ENOX1: variants seen among roughly 807,000 people sequenced by gnomAD.
The protein encoded by ENOX1 is candidate growth-related and time keeping constitutive hydroquinone (NADH) oxidase.
ENOX1 carries 42 observed loss-of-function variants against 82.5 expected under a neutral mutation model. The ratio of observed to expected loss-of-function variants is 0.51; its 90% CI spans 0.40 to 0.66. The LOEUF (loss-of-function observed/expected upper bound fraction) is 0.66, where lower values mean the gene tolerates loss of function less well. Among genes scored for constraint, ENOX1 ranks in the 30% least tolerant of loss-of-function variants. ENOX1 has a pLI of 0.00. For missense variants in ENOX1, 608 were observed against 811.6 expected (o/e 0.75, Z 3.05); for synonymous variants, 271 against 282.2 (o/e 0.96, Z 0.40).
chr13:43,640,966 A>G (rs2083621365), intron 2 of ENOX1, among the ~76,000 whole-genome samples: 1 of 152,064 alleles, frequency 6.6e-6, no homozygotes, highest in Non-Finnish European at 1.5e-5. Context: ...AACCTTAAGT[A>G]AAACATAGAA....
At chr13:43,716,556 A>G (rs299335) in intron 1 of ENOX1, among the ~76,000 whole-genome samples, 48,129 of 152,072 alleles carry the variant, frequency 0.32, 8,093 homozygotes, top group East Asian at 0.48. Flanking sequence ...AGAAAGATTT[A>G]ATAAAAGGTA....
chr13:43,424,687 G>C (rs527547626), intron 3 of ENOX1, among the ~76,000 whole-genome samples: 5 of 152,344 alleles, frequency 3.3e-5, no homozygotes, highest in Non-Finnish European at 5.9e-5. Context: ...CCCTGGGTGA[G>C]AGACTTTGCT....
chr13:43,569,666 T>TAA (rs34098825), intron 2 of ENOX1, among the ~76,000 whole-genome samples: 11,325 of 150,258 alleles, frequency 0.075, 503 homozygotes, highest in East Asian at 0.18. Context: ...CTTAGTGGTT[T>TAA]AAAAAAAAAA....
At chr13:43,554,752 T>C (rs1223631312) in intron 2 of ENOX1, among the ~76,000 whole-genome samples, 2 of 152,078 alleles carry the variant, frequency 1.3e-5, no homozygotes, top group South Asian at 2.1e-4. Context: ...AATTTTTGTA[T>C]TGTTTGTAGA....
chr13:43,733,871 G>C (rs1285887422), intron 1 of ENOX1, among the ~76,000 whole-genome samples: 3 of 152,180 alleles, frequency 2.0e-5, no homozygotes, highest in Admixed American at 6.5e-5. Flanking sequence ...ACCTATAAGA[G>C]AGAACAGAGC....
chr13:43,336,415 G>A (rs1374760602), intron 9 of ENOX1, among the ~76,000 whole-genome samples: 1 of 152,220 alleles, frequency 6.6e-6, no homozygotes, highest in Non-Finnish European at 1.5e-5. Flanking sequence ...TTTTACCCAA[G>A]AAGATAGATG....
At chr13:43,555,274 C>A (rs897157037) in intron 2 of ENOX1, among the ~76,000 whole-genome samples, 1 of 152,302 alleles carries the variant, frequency 6.6e-6, no homozygotes, top group South Asian at 2.1e-4. Flanking sequence ...TAGCATCAGC[C>A]GTATATGTGT....
chr13:43,404,905 T>A (rs1392599618), intron 5 of ENOX1, among the ~76,000 whole-genome samples: 2 of 152,296 alleles, frequency 1.3e-5, no homozygotes, highest in East Asian at 3.9e-4. Context: ...TGAGAAATCT[T>A]TCAACAAGAT....
At position 43,355,900 on chromosome 13, in the gene ENOX1, C is replaced by T; in HGVS notation, c.823+19G>A. On this transcript the variant is annotated intron_variant, in intron 8 of 16. Transcript: ENST00000690772. The stretch of plus-strand genomic sequence containing the variant: ...GGGATCCCTGTGGAGGAAGAAAAGC[C>T]AGCGTGGGTGGCCCATACCTTTCAG... 4 of 1,597,568 alleles carry T rather than the reference C, an allele frequency of 2.5e-6. No individual in the cohort carries two copies. The highest frequency in any genetic ancestry group is 1.7e-6 in the Non-Finnish European group (2 of 1,170,246).
intron 3 of ENOX1, among the ~76,000 whole-genome samples, chr13:43,439,914 G>A (rs1164162726): frequency 1.3e-5 from 2 of 152,152 alleles, no homozygotes; most frequent in African/African-American, 2.4e-5. Context: ...ACATCCATGA[G>A]TGTATTATAG....
chr13:43,595,459 C>T (rs185836628), intron 2 of ENOX1, among the ~76,000 whole-genome samples: 205 of 152,144 alleles, frequency 1.3e-3, no homozygotes, highest in African/African-American at 4.7e-3. Context: ...ATGTGCACAA[C>T]GTGCAGGTCT....
At chr13:43,664,961 A>T (rs545759621) in intron 2 of ENOX1, among the ~76,000 whole-genome samples, 14 of 152,316 alleles carry the variant, frequency 9.2e-5, no homozygotes, top group African/African-American at 3.4e-4. Flanking sequence ...GCCATAGGAC[A>T]GCCTGCAGCC....
At chr13:43,391,760 G>A (rs541705457) in intron 5 of ENOX1, among the ~76,000 whole-genome samples, 45 of 152,260 alleles carry the variant, frequency 3.0e-4, no homozygotes, top group Middle Eastern at 6.8e-3. Flanking sequence ...ACCTGGACAT[G>A]TGTGGCCTCT....
At chr13:43,340,397 C>T (rs1192026590) in intron 9 of ENOX1, among the ~76,000 whole-genome samples, 1 of 152,222 alleles carries the variant, frequency 6.6e-6, no homozygotes, top group Non-Finnish European at 1.5e-5. Flanking sequence ...GGGATGTGTA[C>T]ACCGTGGCCA....
At chr13:43,474,942 G>A (rs1348376685) in intron 3 of ENOX1, among the ~76,000 whole-genome samples, 1 of 152,014 alleles carries the variant, frequency 6.6e-6, no homozygotes, top group African/African-American at 2.4e-5. Context: ...ACAGAGAAAG[G>A]GAGAAGGAGG....
At chr13:43,443,851 T>C (rs1323138) in intron 3 of ENOX1, among the ~76,000 whole-genome samples, 90,147 of 151,994 alleles carry the variant, frequency 0.59, 28,910 homozygotes, top group Non-Finnish European at 0.74. Flanking sequence ...ACATGCCAAG[T>C]TTTTCAGATT....
At chr13:43,442,391 A>T (rs2056410186) in intron 3 of ENOX1, among the ~76,000 whole-genome samples, 1 of 152,066 alleles carries the variant, frequency 6.6e-6, no homozygotes, top group Admixed American at 6.6e-5. Context: ...CAAGAATATT[A>T]TTTTTCAACT....
chr13:43,489,026 AG>A (rs2076528259), intron 2 of ENOX1, among the ~76,000 whole-genome samples: 1 of 152,160 alleles, frequency 6.6e-6, no homozygotes, highest in Admixed American at 6.5e-5. Flanking sequence ...AAGTGCGTTT[AG>A]AAGAGAAAAC....
At chr13:43,538,930 C>A (rs1366529289) in intron 2 of ENOX1, among the ~76,000 whole-genome samples, 1 of 152,122 alleles carries the variant, frequency 6.6e-6, no homozygotes, top group African/African-American at 2.4e-5. Context: ...CTCAAGCAAT[C>A]CTCTCACATC....
Sources: allele counts gnomAD v4.1 joint callset (sites outside exome capture counted in the v4.1 genomes callset), GRCh38; gene constraint gnomAD v4.1.1; transcripts MANE v1.5; gene names NCBI Gene and HGNC (gene_info 2026-07-23, HGNC 2026-07-21).